SDC2: variants seen among roughly 807,000 people sequenced by gnomAD.
SDC2 encodes the protein syndecan-2.
Under a neutral mutation model 22.2 loss-of-function variants are expected in SDC2, and 13 were observed. That is an observed-to-expected ratio of 0.59 (90% CI 0.38 to 0.93). The LOEUF is 0.93. Ranked by LOEUF, SDC2 falls within the 40% of genes least tolerant of loss-of-function variation. The probability of loss-of-function intolerance (pLI) is 0.00; values close to 1 mark genes in which losing one functional copy is unlikely to be tolerated. For missense variants in SDC2, 235 were observed against 246.8 expected (o/e 0.95, Z 0.32); for synonymous variants, 94 against 92.8 (o/e 1.01, Z -0.07).
At chr8:96,540,357 A>T (rs59477845) in intron 1 of SDC2, among the ~76,000 whole-genome samples, 27,248 of 82,014 alleles carry the variant, frequency 0.33, 2,876 homozygotes, top group Middle Eastern at 0.43. Context: ...TATATATATA[A>T]AAATTAGTCG....
At chr8:96,555,702 GCCACTTCTCAGTTACT>G (rs1261068413) in intron 1 of SDC2, among the ~76,000 whole-genome samples, 1 of 152,068 alleles carries the variant, frequency 6.6e-6, no homozygotes, top group East Asian at 1.9e-4. Flanking sequence ...AGAAAATGGG[GCCACTTCTCAGTTACT>G]CCAGATAAAA....
intron 1 of SDC2, among the ~76,000 whole-genome samples, chr8:96,583,417 G>A (rs1814627525): frequency 1.3e-5 from 1 of 78,040 alleles, no homozygotes; most frequent in Non-Finnish European, 2.7e-5. Flanking sequence ...TGTGTGTCTT[G>A]TGTTTGGATG....
intron 2 of SDC2, among the ~76,000 whole-genome samples, chr8:96,594,524 G>A (rs1038735059): frequency 6.6e-6 from 1 of 152,192 alleles, no homozygotes; most frequent in Admixed American, 6.5e-5. Context: ...AAGCAAGTCA[G>A]AAGGCCAGAA....
chr8:96,513,138 A>G (rs888060200), intron 1 of SDC2, among the ~76,000 whole-genome samples: 1 of 152,254 alleles, frequency 6.6e-6, no homozygotes, highest in African/African-American at 2.4e-5. Context: ...AAGTTGTGAC[A>G]GTCTTACATG....
Position 96,608,470 on chromosome 8 carries a change from G to A in SDC2, c.442G>A (p.Ala148Thr). The A allele has an allele frequency of 6.2e-7, 1 of 1,610,252 alleles. No individual in the cohort carries two copies. Among genetic ancestry groups the A allele is most frequent in the South Asian group, 1.1e-5 (1 of 89,880 alleles). The part of the protein sequence containing the change: ...SLFKRTEVLA[A>T]VIAGGVIGFL... ...GTTTAAACGGACAGAAGTCCTAGCA[G>A]GTGAGTAGCCTGGTGGGCCTCAGGT... Residue 148 changes from alanine (A) to threonine (T), a missense_variant and splice_region_variant, in exon 4 of 5, where the codon GCT becomes ACT. Transcript: ENST00000302190.
At chr8:96,595,589 T>G (rs1352571294) in intron 2 of SDC2, among the ~76,000 whole-genome samples, 1 of 152,166 alleles carries the variant, frequency 6.6e-6, no homozygotes, top group Non-Finnish European at 1.5e-5. Context: ...GGACATTTTT[T>G]GTTCCTACTT....
intron 1 of SDC2, among the ~76,000 whole-genome samples, chr8:96,552,461 T>C (rs969412282): frequency 2.0e-5 from 3 of 152,208 alleles, no homozygotes; most frequent in African/African-American, 7.2e-5. Context: ...AAAGGAAATA[T>C]ATCATGCTGC....
chr8:96,576,311 A>G (rs1814490723), intron 1 of SDC2, among the ~76,000 whole-genome samples: 1 of 148,264 alleles, frequency 6.7e-6, no homozygotes, highest in Non-Finnish European at 1.5e-5. Flanking sequence ...GCAGATACAC[A>G]GAGAACTTGA....
At chr8:96,604,616 A>G (rs1815047351) in intron 3 of SDC2, among the ~76,000 whole-genome samples, 1 of 152,156 alleles carries the variant, frequency 6.6e-6, no homozygotes, top group Admixed American at 6.5e-5. Flanking sequence ...TTGGTCTCAC[A>G]GTGGCATTAA....
chr8:96,527,137 C>T (rs1046288244), intron 1 of SDC2, among the ~76,000 whole-genome samples: 13 of 152,310 alleles, frequency 8.5e-5, no homozygotes, highest in South Asian at 8.3e-4. Context: ...AAATACTGCA[C>T]TCCACAGGGG....
intron 1 of SDC2, among the ~76,000 whole-genome samples, chr8:96,551,132 C>T (rs960433974): frequency 2.6e-5 from 4 of 152,230 alleles, no homozygotes; most frequent in Middle Eastern, 3.4e-3. Context: ...GCATCATTAC[C>T]GTGGGGAGGA....
At chr8:96,590,601 A>G (rs112635796) in intron 1 of SDC2, among the ~76,000 whole-genome samples, 2,666 of 152,232 alleles carry the variant, frequency 0.018, 59 homozygotes, top group Middle Eastern at 0.031. Flanking sequence ...GAGTCTTCAT[A>G]AAAGGAATTT....
In SDC2 at chr8:96,610,555, G is replaced by C. The variant is rs772686606; in HGVS notation, c.*1007G>C. The C allele has an allele frequency of 6.6e-6, 1 of 152,500 alleles. No homozygotes were observed. The highest frequency in any genetic ancestry group is 1.5e-5 in the Non-Finnish European group (1 of 68,022). The allele number at this position is 152,500 out of a possible 1,614,324, so 9.4% of individuals were successfully genotyped here. A position where few individuals can be genotyped will look rare whatever the true frequency, so the allele number is the denominator to read the frequency against. On this transcript the variant is annotated 3_prime_UTR_variant, in exon 5 of 5. Coordinates refer to ENST00000302190, the MANE Select transcript of SDC2 (RefSeq NM_002998.4). ...TTTTATAAGCACAGACAATTCTAAT[G>C]GTAACTTTTGTAGTCTTATGAATAG... is the stretch of plus-strand genomic sequence containing the variant.
Position 96,493,940 on chromosome 8 carries a change from G to C in SDC2, c.-332G>C. 1 of 375,682 alleles carries C rather than the reference G, an allele frequency of 2.7e-6. No homozygotes were observed. Among genetic ancestry groups the C allele is most frequent in the East Asian group, 5.2e-5 (1 of 19,328 alleles). The allele number at this position is 375,682 out of a possible 1,614,324, so 23.3% of individuals were successfully genotyped here. ...AACCAGAAACTGAACCTCGGCACGG[G>C]AAAGGAGTCCGCGGAGGAGCAAAAC... On this transcript the variant is annotated 5_prime_UTR_variant, in exon 1 of 5. Coordinates refer to ENST00000302190, the MANE Select transcript of SDC2 (RefSeq NM_002998.4).
chr8:96,583,059 ATTTTTTTTTT>A (rs60193555), intron 1 of SDC2, among the ~76,000 whole-genome samples: 1 of 107,274 alleles, frequency 9.3e-6, no homozygotes, highest in African/African-American at 3.6e-5. Flanking sequence ...CTGAAGTGTG[ATTTTTTTTTT>A]TTTTTTTTTT....
rs1813726127 is a variant in SDC2 at position 96,534,817 on chromosome 8, A to G, written c.60+40486A>G. Among the ~76,000 whole-genome samples the G allele has an allele frequency of 2.0e-5, 3 of 151,880 alleles. No individual in the cohort carries two copies. In the South Asian group the frequency reaches 6.3e-4, roughly 32 times the overall value. ...CCCAGGAATATTTTAGCAGCATTCTAAGTTATTTCAGCTCCTTCAGTTTTG... is the reference window on the plus strand; with the variant it reads ...CCCAGGAATATTTTAGCAGCATTCTGAGTTATTTCAGCTCCTTCAGTTTTG... On this transcript the variant is annotated intron_variant, in intron 1 of 4. Transcript: ENST00000302190.
At chr8:96,580,228 C>T (rs746160639) in intron 1 of SDC2, 2 of 207,222 alleles carry the variant, frequency 9.7e-6, no homozygotes, top group South Asian at 1.7e-4. Flanking sequence ...AAGAGGTTAC[C>T]GTGGCAGCTG....
intron 1 of SDC2, among the ~76,000 whole-genome samples, chr8:96,561,092 A>G (rs750975410): frequency 2.6e-5 from 4 of 152,196 alleles, no homozygotes; most frequent in Non-Finnish European, 5.9e-5. Context: ...CAACAAAGCA[A>G]GATGCTGTCT....
At chr8:96,520,264 A>T (rs1037852243) in intron 1 of SDC2, among the ~76,000 whole-genome samples, 2 of 152,212 alleles carry the variant, frequency 1.3e-5, no homozygotes, top group Non-Finnish European at 2.9e-5. Flanking sequence ...ACACAGTATA[A>T]TTGTCACTTT....
Sources: gnomAD v4.1 joint callset for allele counts (sites outside exome capture counted in the v4.1 genomes callset) on GRCh38, gnomAD v4.1.1 for gene constraint, MANE v1.5 for transcripts, NCBI Gene and HGNC (gene_info 2026-07-23, HGNC 2026-07-21) for gene names.